CSMD1: variants seen among roughly 807,000 people sequenced by gnomAD.
CSMD1 encodes CUB and Sushi multiple domains 1.
In CSMD1, 213 loss-of-function variants were observed where a neutral mutation model predicts 417.5. The observed-to-expected ratio is 0.51, with a 90% CI of 0.46 to 0.57. The LOEUF (loss-of-function observed/expected upper bound fraction) is 0.57, where lower values mean the gene tolerates loss of function less well. Among genes scored for constraint, CSMD1 ranks in the 20% least tolerant of loss-of-function variants. CSMD1 has a pLI of 0.00. For synonymous variants in CSMD1, 2,862 were observed against 1,736.8 expected, an observed-to-expected ratio of 1.65 and a Z score of -16.11; for missense variants, 6,923 against 4,529.7, an observed-to-expected ratio of 1.53 and a Z score of -15.17.
intron 1 of CSMD1, among the ~76,000 whole-genome samples, chr8:4,825,603 G>A (rs909026167): frequency 1.5e-5 from 2 of 135,904 alleles, no homozygotes; most frequent in African/African-American, 5.8e-5. Flanking sequence ...GCACAGAAAA[G>A]AAAAGAAAAA....
chr8:3,452,094 C>T (rs572222341), intron 12 of CSMD1, among the ~76,000 whole-genome samples: 18 of 152,316 alleles, frequency 1.2e-4, no homozygotes, highest in African/African-American at 4.1e-4. Context: ...AATGGGAGTT[C>T]ACTCATGATT....
At chr8:4,991,180 G>T (rs1474987488) in intron 1 of CSMD1, among the ~76,000 whole-genome samples, 1 of 152,142 alleles carries the variant, frequency 6.6e-6, no homozygotes, top group Non-Finnish European at 1.5e-5. Context: ...GGGCAGATAC[G>T]AGCCAGCATA....
chr8:4,153,614 G>C (rs1039545499), intron 3 of CSMD1, among the ~76,000 whole-genome samples: 1 of 152,176 alleles, frequency 6.6e-6, no homozygotes, highest in African/African-American at 2.4e-5. Flanking sequence ...TCCCTGCTCT[G>C]TTTCCTCTCT....
intron 1 of CSMD1, among the ~76,000 whole-genome samples, chr8:4,685,827 G>T (rs1806348348): frequency 6.6e-6 from 1 of 152,114 alleles, no homozygotes; most frequent in African/African-American, 2.4e-5. Context: ...CTTTCAATTT[G>T]CCATGACTCA....
At chr8:4,057,895 C>A (rs1285110077) in intron 3 of CSMD1, among the ~76,000 whole-genome samples, 1 of 152,038 alleles carries the variant, frequency 6.6e-6, no homozygotes, top group Non-Finnish European at 1.5e-5. Flanking sequence ...TGATCTATAT[C>A]TCTGTTTTGG....
chr8:3,994,890 C>A (rs565206976), intron 5 of CSMD1, among the ~76,000 whole-genome samples: 1 of 152,152 alleles, frequency 6.6e-6, no homozygotes, highest in Admixed American at 6.5e-5. Context: ...TGCTTATATG[C>A]CCTTTTTTAA....
At chr8:4,295,036 T>G (rs954658851) in intron 3 of CSMD1, among the ~76,000 whole-genome samples, 1 of 148,268 alleles carries the variant, frequency 6.7e-6, no homozygotes, top group African/African-American at 2.5e-5. Context: ...ACATATAATA[T>G]ATGTATATAT....
At chr8:4,680,064 A>G (rs1805941931) in intron 1 of CSMD1, among the ~76,000 whole-genome samples, 1 of 152,188 alleles carries the variant, frequency 6.6e-6, no homozygotes, top group Non-Finnish European at 1.5e-5. Context: ...ATAAAACAAT[A>G]TGACATTAAC....
intron 1 of CSMD1, among the ~76,000 whole-genome samples, chr8:4,970,157 T>A (rs1456117541): frequency 2.4e-4 from 37 of 152,096 alleles, no homozygotes; most frequent in Admixed American, 2.4e-3. Context: ...CCTACTTTAT[T>A]ATTGGAGGTA....
At chr8:2,960,303 C>T (rs1162184192) in intron 62 of CSMD1, among the ~76,000 whole-genome samples, 1 of 152,194 alleles carries the variant, frequency 6.6e-6, no homozygotes, top group African/African-American at 2.4e-5. Context: ...CTGTGGGATG[C>T]AAGAGAGCTA....
intron 5 of CSMD1, among the ~76,000 whole-genome samples, chr8:3,865,468 G>C (rs184166182): frequency 1.3e-5 from 2 of 152,092 alleles, no homozygotes; most frequent in Non-Finnish European, 2.9e-5. Context: ...GCTCTTCAGA[G>C]ATGGGAGGTG....
intron 5 of CSMD1, among the ~76,000 whole-genome samples, chr8:3,800,970 C>A (rs73658278): frequency 0.024 from 3,695 of 151,998 alleles, 48 homozygotes; most frequent in South Asian, 0.035. Context: ...CAACACAAAA[C>A]AGACTAAGAC....
At chr8:3,426,289 T>A (rs1409659340) in intron 12 of CSMD1, among the ~76,000 whole-genome samples, 1 of 152,210 alleles carries the variant, frequency 6.6e-6, no homozygotes, top group Non-Finnish European at 1.5e-5. Context: ...TATTTCTTGA[T>A]CATCAATTTT....
In CSMD1 at chr8:3,239,375, AT is replaced by A. The variant is rs398112111; in HGVS notation, c.4154-9145del. Among the ~76,000 whole-genome samples the A allele has an allele frequency of 2.1e-5, 3 of 144,276 alleles. No homozygotes were observed. In the South Asian group the frequency reaches 7.1e-4, roughly 34 times the overall value. The allele number at this position is 144,276 out of a possible 152,430, so 94.7% of individuals were successfully genotyped here. ...AGAAATGACAAGGCTAAACTGAAGA[AT>A]TATGTCTGACAGAAGGGAAGAAATG... On this transcript the variant is annotated intron_variant, in intron 26 of 69. Transcript: ENST00000635120.
At chr8:4,921,600 A>T (rs1806503967) in intron 1 of CSMD1, among the ~76,000 whole-genome samples, 1 of 152,210 alleles carries the variant, frequency 6.6e-6, no homozygotes, top group African/African-American at 2.4e-5. Flanking sequence ...ATTTTCCAAA[A>T]TACCTTTTAT....
intron 3 of CSMD1, among the ~76,000 whole-genome samples, chr8:4,179,991 T>G (rs1431818035): frequency 6.6e-6 from 1 of 152,012 alleles, no homozygotes; most frequent in Non-Finnish European, 1.5e-5. Flanking sequence ...GACTGTAAAC[T>G]AATTCAACCA....
intron 2 of CSMD1, among the ~76,000 whole-genome samples, chr8:4,574,007 C>T (rs7016953): frequency 6.6e-6 from 1 of 152,320 alleles, no homozygotes; most frequent in East Asian, 1.9e-4. Flanking sequence ...CGACTTCAGA[C>T]TGCTGTGCTG....
intron 3 of CSMD1, among the ~76,000 whole-genome samples, chr8:4,410,216 G>A (rs753217069): frequency 6.6e-6 from 1 of 152,142 alleles, no homozygotes; most frequent in African/African-American, 2.4e-5. Context: ...AACAGTTTAG[G>A]TAACTAATTC....
chr8:4,882,048 A>G (rs1803437982), intron 1 of CSMD1, among the ~76,000 whole-genome samples: 1 of 152,028 alleles, frequency 6.6e-6, no homozygotes, highest in South Asian at 2.1e-4. Flanking sequence ...AATCTCACTG[A>G]ATTTCTGTTT....
Sources: gnomAD v4.1 joint callset for allele counts (sites outside exome capture counted in the v4.1 genomes callset) on GRCh38, gnomAD v4.1.1 for gene constraint, MANE v1.5 for transcripts, NCBI Gene and HGNC (gene_info 2026-07-23, HGNC 2026-07-21) for gene names.